The following TLL1 variants were observed in gnomAD, a reference collection of about 807,000 sequenced individuals.
TLL1 encodes the protein tolloid like 1, also known as tolloid-like protein 1.
In TLL1, 49 loss-of-function variants were observed where a neutral mutation model predicts 128.2. The observed-to-expected ratio is 0.38, with a 90% CI of 0.30 to 0.48. The LOEUF (loss-of-function observed/expected upper bound fraction) is 0.48. TLL1 is among the 20% of genes least tolerant of loss of function. The pLI is 0.96. For synonymous variants in TLL1, 454 were observed against 418.8 expected, an observed-to-expected ratio of 1.08 and a Z score of -1.03; for missense variants, 1,123 against 1,242.0, an observed-to-expected ratio of 0.90 and a Z score of 1.44.
chr4:166,077,021 T>C (rs1741065353), intron 17 of TLL1, among the ~76,000 whole-genome samples: 1 of 152,116 alleles, frequency 6.6e-6, no homozygotes, highest in Admixed American at 6.6e-5. Context: ...TTTCACCAAA[T>C]ATATTGCTCT....
chr4:166,052,965 G>GTGTGTGTGTGTGTGTATATATATA, intron 12 of TLL1, among the ~76,000 whole-genome samples: 4 of 99,648 alleles, frequency 4.0e-5, no homozygotes, highest in African/African-American at 1.5e-4. Flanking sequence ...GAGGTTATGT[G>GTGTGTGTGTGTGTGTATATATATA]TATATATATA....
chr4:165,944,067 T>C (rs1286102892), intron 1 of TLL1, among the ~76,000 whole-genome samples: 1 of 152,140 alleles, frequency 6.6e-6, no homozygotes, highest in East Asian at 1.9e-4. Context: ...ACATGTAGCA[T>C]TTGAAGATGC....
intron 5 of TLL1, among the ~76,000 whole-genome samples, chr4:166,001,596 C>T (rs1457488358): frequency 6.6e-6 from 1 of 151,954 alleles, no homozygotes; most frequent in Non-Finnish European, 1.5e-5. Flanking sequence ...GTCAGGAGTT[C>T]AAGACCAGCC....
intron 10 of TLL1, among the ~76,000 whole-genome samples, chr4:166,039,652 C>G (rs3756020): frequency 0.26 from 39,497 of 151,984 alleles, 7,497 homozygotes; most frequent in African/African-American, 0.54. Context: ...GCTAGCTTAA[C>G]TTATGAGGTA....
At chr4:165,977,923 G>A (rs185921757) in intron 1 of TLL1, among the ~76,000 whole-genome samples, 1 of 152,204 alleles carries the variant, frequency 6.6e-6, no homozygotes, top group Non-Finnish European at 1.5e-5. Flanking sequence ...TAGATGAGTT[G>A]ATTTCCTAGC....
At chr4:166,046,103 C>T (rs1397769513) in intron 12 of TLL1, among the ~76,000 whole-genome samples, 2 of 152,062 alleles carry the variant, frequency 1.3e-5, no homozygotes, top group East Asian at 3.9e-4. Flanking sequence ...TTACCTGTGT[C>T]TCTGATCATT....
chr4:166,095,088 C>T (rs374749238), intron 19 of TLL1, among the ~76,000 whole-genome samples: 13 of 151,992 alleles, frequency 8.6e-5, no homozygotes, highest in East Asian at 3.9e-4. Flanking sequence ...AGAATATGGA[C>T]GGCTATTTTT....
chr4:165,989,192 T>G (rs1355346929), intron 1 of TLL1, among the ~76,000 whole-genome samples, 189 bp from the exon 2 acceptor site: 2 of 152,134 alleles, frequency 1.3e-5, no homozygotes, highest in Non-Finnish European at 2.9e-5. Context: ...AATGGAGTTA[T>G]GCCCTTTTAC....
intron 5 of TLL1, among the ~76,000 whole-genome samples, chr4:165,996,177 T>C (rs1450906802): frequency 6.6e-6 from 1 of 152,142 alleles, no homozygotes; most frequent in African/African-American, 2.4e-5. Context: ...CCCATAGCTG[T>C]AATCATAATA....
intron 1 of TLL1, among the ~76,000 whole-genome samples, chr4:165,894,545 G>C (rs1731579926): frequency 6.6e-6 from 1 of 152,138 alleles, no homozygotes; most frequent in Non-Finnish European, 1.5e-5. Context: ...AGACTTCATT[G>C]CCATCCAACT....
intron 1 of TLL1, among the ~76,000 whole-genome samples, chr4:165,893,260 G>A (rs1303783561): frequency 6.6e-6 from 1 of 152,146 alleles, no homozygotes. Context: ...CATTGTGACT[G>A]AAACAACTAA....
intron 1 of TLL1, among the ~76,000 whole-genome samples, chr4:165,960,596 A>G (rs1472531558): frequency 1.3e-5 from 2 of 152,172 alleles, no homozygotes; most frequent in Admixed American, 1.3e-4. Flanking sequence ...CCAGCAACAT[A>G]TCAAAAAGTT....
chr4:165,964,587 A>G (rs969929232), intron 1 of TLL1, among the ~76,000 whole-genome samples: 1 of 152,066 alleles, frequency 6.6e-6, no homozygotes, highest in Non-Finnish European at 1.5e-5. Flanking sequence ...TGCAATTCCT[A>G]CCTCCGAGGG....
At chr4:166,099,618 G>A (rs1742198731) in intron 20 of TLL1, 91 bp downstream of exon 20, 2 of 1,345,280 alleles carry the variant, frequency 1.5e-6, no homozygotes, top group South Asian at 1.4e-5. Flanking sequence ...AGTTGGCAAT[G>A]CTTTTTGCAA....
rs186257991 is a variant in TLL1 at position 165,990,748 on chromosome 4, T to C, written c.280+1257T>C. Reference sequence around the variant, plus strand: ...ATAATCAAAATACCACTATCAGATATAAAAATTTATTTAAAGTAGGGAGTA... The same window carrying C: ...ATAATCAAAATACCACTATCAGATACAAAAATTTATTTAAAGTAGGGAGTA... On this transcript the variant is annotated intron_variant, in intron 2 of 20. Transcript: ENST00000061240. Among the ~76,000 whole-genome samples, 106 of 152,108 alleles carry C rather than the reference T, an allele frequency of 7.0e-4. No individual in the cohort carries two copies. The Middle Eastern group carries it at 0.014, about 20-fold the overall frequency.
chr4:165,996,579 A>G (rs543606908), intron 5 of TLL1, among the ~76,000 whole-genome samples: 1 of 149,462 alleles, frequency 6.7e-6, no homozygotes, highest in Admixed American at 6.8e-5. Context: ...AGCCTGTGCA[A>G]CAGAGGAAGA....
In TLL1 at chr4:166,103,577, A is replaced by G. The variant is rs531981896; in HGVS notation, c.*2701A>G. ...TTAGAAGGCATATAGAGATGTTGTC[A>G]TAACTAGGTCTTCAACGTGAAAATT... On this transcript the variant is annotated 3_prime_UTR_variant, in exon 21 of 21. Coordinates refer to ENST00000061240, the MANE Select transcript of TLL1 (RefSeq NM_012464.5). 5 of 151,988 alleles carry G rather than the reference A, an allele frequency of 3.3e-5. No individual in the cohort carries two copies. Among genetic ancestry groups the G allele is most frequent in the South Asian group, 4.1e-4 (2 of 4,826 alleles). The allele number at this position is 151,988 out of a possible 1,614,324, so 9.4% of individuals were successfully genotyped here.
chr4:165,960,838 C>T (rs1263250755), intron 1 of TLL1, among the ~76,000 whole-genome samples: 2 of 152,018 alleles, frequency 1.3e-5, no homozygotes, highest in African/African-American at 4.8e-5. Flanking sequence ...CTCTGACAAA[C>T]CCAGAGCCAA....
At chr4:166,044,522 T>A (rs1379328853) in intron 12 of TLL1, 13 of 1,114,984 alleles carry the variant, frequency 1.2e-5, no homozygotes, top group Non-Finnish European at 1.5e-5. Flanking sequence ...ACCAAAAAAA[T>A]ATATACTTTC....
Sources: allele counts gnomAD v4.1 joint callset (sites outside exome capture counted in the v4.1 genomes callset), GRCh38; gene constraint gnomAD v4.1.1; transcripts MANE v1.5; gene names NCBI Gene and HGNC (gene_info 2026-07-23, HGNC 2026-07-21).